Variants in MTHFD2 observed in about 807,000 individuals in gnomAD.
MTHFD2 encodes methylenetetrahydrofolate dehydrogenase (NADP+ dependent) 2, methenyltetrahydrofolate cyclohydrolase.
In MTHFD2, 26 loss-of-function variants were observed where a neutral mutation model predicts 36.8. That is an observed-to-expected ratio of 0.71 (90% CI 0.52 to 0.98). The LOEUF is 0.98. Ranked by LOEUF, MTHFD2 falls within the 50% of genes least tolerant of loss-of-function variation. The pLI, the probability that MTHFD2 is intolerant of heterozygous loss-of-function variation, is 0.00. For synonymous variants in MTHFD2, 164 were observed against 155.2 expected, an observed-to-expected ratio of 1.06 and a Z score of -0.42; for missense variants, 373 against 434.0, an observed-to-expected ratio of 0.86 and a Z score of 1.25.
In MTHFD2 at chr2:74,214,725, TTATA is replaced by T. The variant is rs1457562407; in HGVS notation, c.*487_*490del. On this transcript the variant is annotated 3_prime_UTR_variant, in exon 8 of 8. Coordinates refer to ENST00000394053, the MANE Select transcript of MTHFD2 (RefSeq NM_006636.4). ...AGTAATTGAGCAGAAAAAAATTAAT[TTATA>T]TATGTATTGATTGGCAACCAGATTT... is the stretch of plus-strand genomic sequence containing the variant. 1 of 152,670 alleles carries T rather than the reference TTATA, an allele frequency of 6.6e-6. No individual in the cohort carries two copies. Among genetic ancestry groups the T allele is most frequent in the Non-Finnish European group, 1.5e-5 (1 of 68,296 alleles). 9.5% of individuals were successfully genotyped at this position (152,670 alleles called of 1,614,324 possible).
At chr2:74,207,584 A>G in intron 2 of MTHFD2, 120 bp from the exon 3 acceptor site, 1 of 919,038 alleles carries the variant, frequency 1.1e-6, no homozygotes, top group Non-Finnish European at 1.6e-6. Context: ...GAGCTACTTC[A>G]GCTTTTAGGG....
At chr2:74,208,453 C>T in intron 3 of MTHFD2, 116 bp from the exon 4 acceptor site, 1 of 1,210,122 alleles carries the variant, frequency 8.3e-7, no homozygotes, top group South Asian at 1.4e-5. Flanking sequence ...AGATGAAGTA[C>T]ATCTCAGAGG....
At chr2:74,202,051 T>C (rs534719824) in intron 1 of MTHFD2, among the ~76,000 whole-genome samples, 1 of 152,218 alleles carries the variant, frequency 6.6e-6, no homozygotes, top group African/African-American at 2.4e-5. Flanking sequence ...CCCAGAACCC[T>C]GTGTCCTTAA....
At chr2:74,213,532 A>C (rs1694358596) in intron 7 of MTHFD2, among the ~76,000 whole-genome samples, 1 of 151,536 alleles carries the variant, frequency 6.6e-6, no homozygotes, top group Non-Finnish European at 1.5e-5. Context: ...CCCACCTCAC[A>C]CCCTGCCTCA....
In MTHFD2 at chr2:74,210,055, G is replaced by A; in HGVS notation, c.670+6G>A. 1 of 1,608,872 alleles carries A rather than the reference G, an allele frequency of 6.2e-7. No homozygotes were observed. ...GGCGCATGAACGTCCCGGAGGTAAG[G>A]AAATTGCTTTCAGGGAACACTGTCC... On this transcript the variant is annotated splice_donor_region_variant and intron_variant, in intron 5 of 7. Transcript: ENST00000394053.
At chr2:74,205,348 C>T (rs941669567) in intron 1 of MTHFD2, among the ~76,000 whole-genome samples, 4 of 152,136 alleles carry the variant, frequency 2.6e-5, no homozygotes, top group Non-Finnish European at 4.4e-5. Context: ...TAGTAATGAT[C>T]AGGGCGCAGG....
intron 3 of MTHFD2, among the ~76,000 whole-genome samples, chr2:74,208,364 G>A (rs1301645744): frequency 6.6e-6 from 1 of 152,240 alleles, no homozygotes; most frequent in Admixed American, 6.5e-5. Flanking sequence ...ACAAAGGACA[G>A]TGGAGGGAAG....
Position 74,198,702 on chromosome 2 carries a change from T to C in MTHFD2, c.61T>C (p.Cys21Arg). 1 of 1,611,702 alleles carries C rather than the reference T, an allele frequency of 6.2e-7. No homozygotes were observed. Among genetic ancestry groups the C allele is most frequent in the Non-Finnish European group, 8.5e-7 (1 of 1,179,184 alleles). The change falls in exon 1 of 8, where the codon TGC (cysteine) becomes CGC (arginine). Residue 21 changes from cysteine to arginine, a missense_variant. Around this residue, in one of 2 missense-constraint regions of MTHFD2, gnomAD observed 65 missense variants for 36.1 expected, o/e 1.80. Transcript: ENST00000394053. ...CCGGCTGCTGCAGCCCGCGCACAGC[T>C]GCTCCCTTCGCCTTCGCCCTTTCCA... ...AARLLQPAHSCSLRLRPFHLA... is the reference protein window; with the variant it reads ...AARLLQPAHSRSLRLRPFHLA...
rs1326137568 is a variant in MTHFD2 at position 74,216,669 on chromosome 2, CA to C, written c.*2428del. On this transcript the variant is annotated 3_prime_UTR_variant, in exon 8 of 8. Transcript: ENST00000394053. ...TGTCTCCCTGGCTGGAGTGCAGTGG[CA>C]TGATTATAGCTCACTGCAGCCTTGA... is the stretch of plus-strand genomic sequence containing the variant. 1 of 152,132 alleles carries C rather than the reference CA, an allele frequency of 6.6e-6. No individual in the cohort carries two copies. The highest frequency in any genetic ancestry group is 1.9e-4 in the East Asian group (1 of 5,186). 9.4% of individuals were successfully genotyped at this position (152,132 alleles called of 1,614,324 possible).
rs1211819150 is a variant in MTHFD2, at chr2:74,214,083, C to G, written c.894C>G (p.Val298=). ...KLVGDVDFEG[V]RQKAGYITPV... ...GCCTGTCTTGTTTCTATGTAGGAGT[C>G]AGACAAAAAGCTGGGTATATCACTC... Residue 298 remains valine, a synonymous_variant, in exon 8 of 8, where the codon GTC becomes GTG. Transcript: ENST00000394053. 1.2e-6 allele frequency: 2 copies of G among 1,613,366 alleles called. No homozygotes were observed. Among genetic ancestry groups the G allele is most frequent in the Non-Finnish European group, 1.7e-6 (2 of 1,179,646 alleles).
intron 5 of MTHFD2, 85 bp from the exon 6 acceptor site, chr2:74,211,114 G>C: frequency 1.1e-6 from 1 of 872,582 alleles, no homozygotes; most frequent in East Asian, 2.6e-5. Context: ...GAGATGTTGA[G>C]TTTCTACAAT....
At chr2:74,201,177 AG>A in intron 1 of MTHFD2, among the ~76,000 whole-genome samples, 1 of 151,922 alleles carries the variant, frequency 6.6e-6, no homozygotes, top group African/African-American at 2.4e-5. Context: ...TAGTAGAGAC[AG>A]GGTTTCACCA....
chr2:74,214,114 C>T lies in MTHFD2; in HGVS notation c.925C>T (p.Pro309Ser), dbSNP rs1270339316. ...AAAAGCTGGGTATATCACTCCAGTTCCTGGAGGTGTTGGCCCCATGACAGT... is the reference window on the plus strand; with the variant it reads ...AAAAGCTGGGTATATCACTCCAGTTTCTGGAGGTGTTGGCCCCATGACAGT... ...RQKAGYITPV[P>S]GGVGPMTVAM... Residue 309 changes from proline to serine, a missense_variant, in exon 8 of 8, where the codon CCT becomes TCT. By Grantham distance (74) the Pro-to-Ser change is moderately conservative. Coordinates refer to ENST00000394053, the MANE Select transcript of MTHFD2 (RefSeq NM_006636.4). 1 of 1,614,050 alleles carries T rather than the reference C, an allele frequency of 6.2e-7. No homozygotes were observed. The highest frequency in any genetic ancestry group is 2.2e-5 in the East Asian group (1 of 44,882).
At chr2:74,203,918 T>TAGTTTAGTTTAGTTC (rs1558853002) in intron 1 of MTHFD2, among the ~76,000 whole-genome samples, 2 of 121,482 alleles carry the variant, frequency 1.6e-5, no homozygotes, top group African/African-American at 5.8e-5. Context: ...TAGTTTAGTT[T>TAGTTTAGTTTAGTTC]AGTTTAGTTT....
chr2:74,204,576 G>C (rs1572985022), intron 1 of MTHFD2, among the ~76,000 whole-genome samples: 1 of 152,204 alleles, frequency 6.6e-6, no homozygotes, highest in East Asian at 1.9e-4. Context: ...GCTCTGTTGA[G>C]CTAAGCTTTT....
chr2:74,215,858 C>G lies in MTHFD2; in HGVS notation c.*1616C>G, dbSNP rs1263419758. On this transcript the variant is annotated 3_prime_UTR_variant, in exon 8 of 8. Coordinates refer to ENST00000394053, the MANE Select transcript of MTHFD2 (RefSeq NM_006636.4). ...TCCTGACCTCAAGTGATCCACCTGC[C>G]TCGGCCTCCCAAAATGCTAGGATTA... 2 of 152,434 alleles carry G rather than the reference C, an allele frequency of 1.3e-5. No individual in the cohort carries two copies. Among genetic ancestry groups the G allele is most frequent in the Non-Finnish European group, 1.5e-5 (1 of 68,210 alleles). 9.4% of individuals were successfully genotyped at this position (152,434 alleles called of 1,614,324 possible).
Position 74,198,619 on chromosome 2 carries a change from C to A in MTHFD2, c.-23C>A. The A allele has an allele frequency of 6.3e-7, 1 of 1,583,080 alleles. No homozygotes were observed. Among genetic ancestry groups the A allele is most frequent in the East Asian group, 2.3e-5 (1 of 42,944 alleles). Reference sequence around the variant, plus strand: ...GTGGCCCGCGCGCGCGCTTCCCTCCCGGCGCAGTCACCGGCGCGGTCTATG... The same window carrying A: ...GTGGCCCGCGCGCGCGCTTCCCTCCAGGCGCAGTCACCGGCGCGGTCTATG... On this transcript the variant is annotated 5_prime_UTR_variant, in exon 1 of 8. Coordinates refer to ENST00000394053, the MANE Select transcript of MTHFD2 (RefSeq NM_006636.4).
intron 7 of MTHFD2, among the ~76,000 whole-genome samples, chr2:74,212,400 A>G (rs892637564): frequency 6.7e-6 from 1 of 149,658 alleles, no homozygotes; most frequent in Non-Finnish European, 1.5e-5. Flanking sequence ...CCCAGTAGCC[A>G]GGACTACAGG....
chr2:74,215,409 ATT>A lies in MTHFD2; in HGVS notation c.*1174_*1175del, dbSNP rs928340229. ...TTACTTCTATAGCCTTAAATAGATA[ATT>A]TTTTTTCTTCTATTTTTTTTTTTTT... On this transcript the variant is annotated 3_prime_UTR_variant, in exon 8 of 8. Coordinates refer to ENST00000394053, the MANE Select transcript of MTHFD2 (RefSeq NM_006636.4). The A allele has an allele frequency of 8.7e-5, 13 of 149,074 alleles. No individual in the cohort carries two copies. The highest frequency in any genetic ancestry group is 3.2e-4 in the African/African-American group (13 of 40,240). The allele number at this position is 149,074 out of a possible 1,614,324, so 9.2% of individuals were successfully genotyped here.
Sources: allele counts gnomAD v4.1 joint callset (sites outside exome capture counted in the v4.1 genomes callset), GRCh38; gene constraint gnomAD v4.1.1; regional missense constraint gnomAD v4.1.1; transcripts MANE v1.5; gene names NCBI Gene and HGNC (gene_info 2026-07-23, HGNC 2026-07-21).